INO80D: variants seen among roughly 807,000 people sequenced by gnomAD.
The protein encoded by INO80D is INO80 complex subunit D.
Under a neutral mutation model 87.6 loss-of-function variants are expected in INO80D, and 21 were observed. That is an observed-to-expected ratio of 0.24 (90% CI 0.17 to 0.35). The LOEUF is 0.35. Ranked by LOEUF, INO80D falls within the 10% of genes least tolerant of loss-of-function variation. The pLI is 1.00. For synonymous variants in INO80D, 440 were observed against 491.0 expected, an observed-to-expected ratio of 0.90 and a Z score of 1.37; for missense variants, 982 against 1,280.7, an observed-to-expected ratio of 0.77 and a Z score of 3.56.
chr2:205,993,840 G>A lies in INO80D; in HGVS notation c.*10528C>T, dbSNP rs1687760037. On this transcript the variant is annotated 3_prime_UTR_variant, in exon 11 of 11. Transcript: ENST00000403263. ...ACATATTACATCAGTTTTTACACAA[G>A]AAAAATATACATAAAAATGTAAACT... 6.6e-6 allele frequency: 1 copy of A among 151,956 alleles called. No homozygotes were observed. The highest frequency in any genetic ancestry group is 1.5e-5 in the Non-Finnish European group (1 of 67,992). The allele number at this position is 151,956 out of a possible 1,614,324, so 9.4% of individuals were successfully genotyped here.
chr2:206,011,291 G>A lies in INO80D; in HGVS notation c.1543-1497C>T, dbSNP rs183200645. Among the ~76,000 whole-genome samples the A allele has an allele frequency of 9.9e-5, 15 of 152,260 alleles. No homozygotes were observed. The East Asian group carries it at 2.5e-3, about 26-fold the overall frequency. On this transcript the variant is annotated intron_variant, in intron 8 of 10. Transcript: ENST00000403263. ...GAAGTTAGGGGGCTCTCACCCAAGA[G>A]AAAATAAGTCCTATCTGTAAGGCTC...
At chr2:206,061,159 G>A (rs1386388989) in intron 3 of INO80D, among the ~76,000 whole-genome samples, 1 of 152,042 alleles carries the variant, frequency 6.6e-6, no homozygotes, top group African/African-American at 2.4e-5. Flanking sequence ...CTCTAGGCGT[G>A]TACCACTACA....
rs1430860759 is a variant in INO80D at position 206,056,802 on chromosome 2, C to T, written c.360G>A (p.Leu120=). The change falls in exon 4 of 11, where the codon TTG becomes TTA. Residue 120 remains leucine (L), a synonymous_variant. Coordinates refer to ENST00000403263, the MANE Select transcript of INO80D (RefSeq NM_017759.5). ...TTCCATCCAGTCCGTTGGGCATCTT[C>T]AAGGCCAACGTGGGCACTGTCAGGC... ...AFSLTVPTLA[L]KMPNGLDGMS... is the part of the protein sequence containing the mutation. 6.2e-7 allele frequency: 1 copy of T among 1,612,510 alleles called. No individual in the cohort carries two copies. The highest frequency in any genetic ancestry group is 1.7e-5 in the Admixed American group (1 of 59,768).
intron 4 of INO80D, among the ~76,000 whole-genome samples, chr2:206,052,767 G>A (rs1160238624): frequency 6.6e-6 from 1 of 151,314 alleles, no homozygotes; most frequent in African/African-American, 2.4e-5. Context: ...ACTCTAGCCT[G>A]GGCAACAGAG....
chr2:206,028,873 A>G lies in INO80D; in HGVS notation c.1074-538T>C, dbSNP rs1419453331. Among the ~76,000 whole-genome samples the G allele has an allele frequency of 2.7e-5, 4 of 150,424 alleles. No individual in the cohort carries two copies. The East Asian group carries it at 5.9e-4, about 22-fold the overall frequency. ...AGGGATCGCATTAATTCTACCATGTATTTTTGTTTTGTTTTTTTGTTTTTT... is the reference window on the plus strand; with the variant it reads ...AGGGATCGCATTAATTCTACCATGTGTTTTTGTTTTGTTTTTTTGTTTTTT... On this transcript the variant is annotated intron_variant, in intron 5 of 10. Coordinates refer to ENST00000403263, the MANE Select transcript of INO80D (RefSeq NM_017759.5).
chr2:206,016,296 A>C (rs752753309), intron 8 of INO80D, among the ~76,000 whole-genome samples: 1 of 152,194 alleles, frequency 6.6e-6, no homozygotes, highest in African/African-American at 2.4e-5. Flanking sequence ...TTGATTGTCC[A>C]CTGGATTTCA....
In INO80D at chr2:206,056,413, T is replaced by C; in HGVS notation, c.749A>G (p.His250Arg). Residue 250 changes from histidine (H) to arginine (R), a missense_variant, in exon 4 of 11, where the codon CAC (histidine) becomes CGC (arginine). By Grantham distance (29) the His-to-Arg change is conservative. Coordinates refer to ENST00000403263, the MANE Select transcript of INO80D (RefSeq NM_017759.5). Reference protein sequence around the residue: ...LPMQGVAPTTHTIAQARQLSH... With the variant: ...LPMQGVAPTTRTIAQARQLSH... Reference sequence around the variant, plus strand: ...CAACTGCCGTGCTTGTGCTATAGTGTGTGTGGTGGGTGCCACTCCCTGCAT... The same window carrying C: ...CAACTGCCGTGCTTGTGCTATAGTGCGTGTGGTGGGTGCCACTCCCTGCAT... 1 of 1,613,884 alleles carries C rather than the reference T, an allele frequency of 6.2e-7. No individual in the cohort carries two copies. The highest frequency in any genetic ancestry group is 8.5e-7 in the Non-Finnish European group (1 of 1,179,876).
Position 205,994,293 on chromosome 2 carries a change from T to A in INO80D, c.*10075A>T, listed in dbSNP as rs1351491862. 6.6e-6 allele frequency: 1 copy of A among 152,234 alleles called. No homozygotes were observed. Among genetic ancestry groups the A allele is most frequent in the African/African-American group, 2.4e-5 (1 of 41,456 alleles). The allele number at this position is 152,234 out of a possible 1,614,324, so 9.4% of individuals were successfully genotyped here. ...GGCTTTTATATTTTTGTATTTATTT[T>A]TAATGCATGGCCTGTTAAACATACT... On this transcript the variant is annotated 3_prime_UTR_variant, in exon 11 of 11. Transcript: ENST00000403263.
At chr2:206,065,371 G>A (rs1689787793) in intron 1 of INO80D, among the ~76,000 whole-genome samples, 1 of 152,280 alleles carries the variant, frequency 6.6e-6, no homozygotes. Context: ...TGGGGAGGCT[G>A]AGGCAGGAGA....
chr2:206,084,024 T>C (rs1038394715), intron 1 of INO80D, among the ~76,000 whole-genome samples: 3 of 151,086 alleles, frequency 2.0e-5, no homozygotes, highest in Non-Finnish European at 4.4e-5. Context: ...ACGGGAAACA[T>C]CCTGTCCCTG....
rs1687803393 is a variant in INO80D, at chr2:205,996,147, A to T, written c.*8221T>A. On this transcript the variant is annotated 3_prime_UTR_variant, in exon 11 of 11. Coordinates refer to ENST00000403263, the MANE Select transcript of INO80D (RefSeq NM_017759.5). ...TCTGTTTGTTTTTGAGACAAAGATG[A>T]ATGCCCAAGTCTCAAAATTCCTATT... 6.6e-6 allele frequency: 1 copy of T among 152,088 alleles called. No homozygotes were observed. The highest frequency in any genetic ancestry group is 1.5e-5 in the Non-Finnish European group (1 of 67,968). The allele number at this position is 152,088 out of a possible 1,614,324, so 9.4% of individuals were successfully genotyped here. A position where few individuals can be genotyped will look rare whatever the true frequency, so the allele number is the denominator to read the frequency against.
chr2:206,013,913 C>T (rs963753448), intron 8 of INO80D, among the ~76,000 whole-genome samples: 10 of 150,136 alleles, frequency 6.7e-5, no homozygotes, highest in African/African-American at 2.2e-4. Context: ...AATCCCAGCA[C>T]TTTGGGAGAC....
At chr2:206,022,277 G>A (rs774965331) in intron 6 of INO80D, among the ~76,000 whole-genome samples, 3 of 151,916 alleles carry the variant, frequency 2.0e-5, no homozygotes, top group Non-Finnish European at 4.4e-5. Context: ...TGAGGTAGGA[G>A]AATCACTTGA....
At chr2:206,069,569 C>T (rs775446012) in intron 1 of INO80D, among the ~76,000 whole-genome samples, 1 of 152,014 alleles carries the variant, frequency 6.6e-6, no homozygotes, top group African/African-American at 2.4e-5. Context: ...AAAAAAAGTT[C>T]TAATGCAGAT....
At chr2:206,027,991 A>G (rs756328109) in intron 6 of INO80D, 120 bp downstream of exon 6, 21 of 594,550 alleles carry the variant, frequency 3.5e-5, no homozygotes, top group Non-Finnish European at 5.3e-5. Flanking sequence ...AAACCAAAAC[A>G]TAATGCTTAA....
intron 1 of INO80D, among the ~76,000 whole-genome samples, chr2:206,064,733 T>C (rs1385502020): frequency 6.6e-6 from 1 of 152,104 alleles, no homozygotes; most frequent in African/African-American, 2.4e-5. Flanking sequence ...TTCATTCTTG[T>C]AATACAAGAC....
chr2:206,068,080 A>T (rs1575878340), intron 1 of INO80D, among the ~76,000 whole-genome samples: 1 of 152,068 alleles, frequency 6.6e-6, no homozygotes, highest in East Asian at 1.9e-4. Context: ...CTTTTGAGGC[A>T]CTGTGTTGTG....
intron 8 of INO80D, among the ~76,000 whole-genome samples, chr2:206,013,434 C>A (rs1688232353): frequency 6.6e-6 from 1 of 151,864 alleles, no homozygotes; most frequent in Non-Finnish European, 1.5e-5. Context: ...CACCTGTAGT[C>A]CCAGTTACTT....
At chr2:206,070,544 C>A (rs1689934868) in intron 1 of INO80D, among the ~76,000 whole-genome samples, 1 of 151,746 alleles carries the variant, frequency 6.6e-6, no homozygotes. Context: ...CACGGTGAAA[C>A]CCTGTCTCTA....
Sources: allele counts gnomAD v4.1 joint callset (sites outside exome capture counted in the v4.1 genomes callset), GRCh38; gene constraint gnomAD v4.1.1; transcripts MANE v1.5; gene names NCBI Gene and HGNC (gene_info 2026-07-23, HGNC 2026-07-21).